Variants in ADAM32 observed in about 807,000 individuals in gnomAD.
The protein encoded by ADAM32 is disintegrin and metalloproteinase domain-containing protein 32.
ADAM32 carries 89 observed loss-of-function variants against 114.9 expected under a neutral mutation model. The ratio of observed to expected loss-of-function variants is 0.77; its 90% CI spans 0.65 to 0.92. ADAM32 has a LOEUF of 0.92. Among genes scored for constraint, ADAM32 ranks in the 40% least tolerant of loss-of-function variants. The pLI is 0.00. For missense variants in ADAM32, 870 were observed against 932.8 expected (o/e 0.93, Z 0.88); for synonymous variants, 285 against 307.5 (o/e 0.93, Z 0.77).
At chr8:39,205,954 C>G (rs1418301778) in intron 11 of ADAM32, among the ~76,000 whole-genome samples, 1 of 151,912 alleles carries the variant, frequency 6.6e-6, no homozygotes, top group Non-Finnish European at 1.5e-5. Flanking sequence ...TTGTTTCATT[C>G]ATATTTTTGT....
At chr8:39,270,845 C>A (rs778774340) in intron 19 of ADAM32, 31 bp from the exon 20 acceptor site, 23 of 1,585,848 alleles carry the variant, frequency 1.5e-5, no homozygotes, top group Admixed American at 8.6e-5. Context: ...TTTCTAAGTA[C>A]TAACATGAGA....
chr8:39,220,535 T>C (rs1808888466), intron 12 of ADAM32, among the ~76,000 whole-genome samples: 1 of 152,080 alleles, frequency 6.6e-6, no homozygotes, highest in African/African-American at 2.4e-5. Flanking sequence ...TTCTCCTTTT[T>C]TGATGTAGGC....
At chr8:39,256,881 C>G (rs1290369233) in intron 18 of ADAM32, among the ~76,000 whole-genome samples, 6 of 151,968 alleles carry the variant, frequency 3.9e-5, no homozygotes, top group Non-Finnish European at 8.8e-5. Flanking sequence ...CATGCAATTA[C>G]ACAATCCCAC....
chr8:39,124,602 A>G (rs7010584), intron 2 of ADAM32, among the ~76,000 whole-genome samples: 115,566 of 151,748 alleles, frequency 0.76, 44,527 homozygotes, highest in African/African-American at 0.88. Flanking sequence ...ATTTTTAGTA[A>G]AGACGGGGTT....
At position 39,282,613 on chromosome 8, in the gene ADAM32, A is replaced by G. The variant is rs1345155515; in HGVS notation, c.2319-973A>G. On this transcript the variant is annotated intron_variant, in intron 23 of 24. Coordinates refer to ENST00000379907, the MANE Select transcript of ADAM32 (RefSeq NM_145004.7). ...CTTAAACTTAGTAAGCTAAGCAGAC[A>G]TAGTTGCTGTCCTTTACTGTTAGAG... Among the ~76,000 whole-genome samples, 7 of 152,332 alleles carry G rather than the reference A, an allele frequency of 4.6e-5. No individual in the cohort carries two copies. The East Asian group carries it at 9.6e-4, about 21-fold the overall frequency.
At chr8:39,137,493 C>A (rs979195779) in intron 3 of ADAM32, among the ~76,000 whole-genome samples, 5 of 152,020 alleles carry the variant, frequency 3.3e-5, no homozygotes, top group African/African-American at 1.2e-4. Context: ...AAGCTGGGCG[C>A]GGTGGCTTTC....
intron 12 of ADAM32, chr8:39,220,796 T>G (rs1808908249): frequency 1.3e-5 from 2 of 152,054 alleles, no homozygotes; most frequent in South Asian, 4.1e-4. Flanking sequence ...TTTTAATTGT[T>G]TTTTGAATTT....
At chr8:39,180,055 C>T (rs565407630) in intron 10 of ADAM32, among the ~76,000 whole-genome samples, 2 of 152,188 alleles carry the variant, frequency 1.3e-5, no homozygotes, top group Admixed American at 6.5e-5. Flanking sequence ...ACTGTGGGAG[C>T]CCCTTTCTGG....
At position 39,145,531 on chromosome 8, in the gene ADAM32, G is replaced by A. The variant is rs566920198; in HGVS notation, c.201-1599G>A. On this transcript the variant is annotated intron_variant, in intron 3 of 24. Coordinates refer to ENST00000379907, the MANE Select transcript of ADAM32 (RefSeq NM_145004.7). ...AAACAGCCTAGAATTGAATGCCATG[G>A]AAACATTTAAGGGATGAAGGAAGGA... is the stretch of plus-strand genomic sequence containing the variant. Among the ~76,000 whole-genome samples, 9 of 152,194 alleles carry A rather than the reference G, an allele frequency of 5.9e-5. No individual in the cohort carries two copies. In the South Asian group the frequency reaches 1.9e-3, roughly 32 times the overall value.
At chr8:39,227,527 T>C (rs1809462071) in intron 14 of ADAM32, among the ~76,000 whole-genome samples, 1 of 152,112 alleles carries the variant, frequency 6.6e-6, no homozygotes, top group Admixed American at 6.5e-5. Context: ...TCAGTTTGCA[T>C]GGGAGCTGAC....
chr8:39,178,572 G>C (rs1261447263), intron 10 of ADAM32, among the ~76,000 whole-genome samples: 1 of 152,118 alleles, frequency 6.6e-6, no homozygotes, highest in Admixed American at 6.6e-5. Flanking sequence ...GAGATATTGG[G>C]GTCATTTGGA....
chr8:39,228,640 G>A (rs527820579), intron 14 of ADAM32, among the ~76,000 whole-genome samples: 1 of 152,138 alleles, frequency 6.6e-6, no homozygotes, highest in Non-Finnish European at 1.5e-5. Context: ...AAGGGAAAAA[G>A]AATAAGAAAA....
chr8:39,270,798 T>C (rs1812663361), intron 19 of ADAM32, 78 bp from the exon 20 acceptor site: 1 of 1,145,696 alleles, frequency 8.7e-7, no homozygotes, highest in Non-Finnish European at 1.3e-6. Flanking sequence ...ATACTGATTA[T>C]AAAATGGACT....
intron 13 of ADAM32, among the ~76,000 whole-genome samples, chr8:39,222,749 G>A (rs1212890828): frequency 6.6e-6 from 1 of 152,016 alleles, no homozygotes; most frequent in Non-Finnish European, 1.5e-5. Context: ...AATTTCCTAA[G>A]CTTAAAGTGA....
Position 39,211,336 on chromosome 8 carries a change from A to G in ADAM32, c.1233+12A>G. On this transcript the variant is annotated intron_variant, in intron 12 of 24. Transcript: ENST00000379907. ...GTGGTACTGAGGCTGTAAGTATGATAACTAGGAAAATTGATTAATAAATTT... is the reference window on the plus strand; with the variant it reads ...GTGGTACTGAGGCTGTAAGTATGATGACTAGGAAAATTGATTAATAAATTT... 8 of 1,461,328 alleles carry G rather than the reference A, an allele frequency of 5.5e-6. No individual in the cohort carries two copies. Among genetic ancestry groups the G allele is most frequent in the Non-Finnish European group, 6.3e-6 (7 of 1,107,426 alleles). 90.5% of individuals were successfully genotyped at this position (1,461,328 alleles called of 1,614,324 possible).
At chr8:39,210,272 C>G (rs1176774114) in intron 11 of ADAM32, among the ~76,000 whole-genome samples, 1 of 152,318 alleles carries the variant, frequency 6.6e-6, no homozygotes, top group East Asian at 1.9e-4. Flanking sequence ...CAAATTCACT[C>G]TCTATGTGCA....
intron 5 of ADAM32, among the ~76,000 whole-genome samples, chr8:39,150,461 C>T (rs1180490285): frequency 6.6e-6 from 1 of 152,126 alleles, no homozygotes; most frequent in Non-Finnish European, 1.5e-5. Flanking sequence ...AGGAAATCAT[C>T]TTCAGACTGA....
chr8:39,137,325 T>C (rs1223003325), intron 3 of ADAM32, among the ~76,000 whole-genome samples: 1 of 152,090 alleles, frequency 6.6e-6, no homozygotes, highest in Admixed American at 6.6e-5. Flanking sequence ...GAGAGGTGGA[T>C]TATGAGAAAC....
chr8:39,191,459 A>T (rs959161540), intron 11 of ADAM32, among the ~76,000 whole-genome samples: 3 of 152,194 alleles, frequency 2.0e-5, no homozygotes, highest in African/African-American at 7.2e-5. Context: ...TTGGTATGAG[A>T]CGGTATCTCA....
Sources: allele counts gnomAD v4.1 joint callset (sites outside exome capture counted in the v4.1 genomes callset), GRCh38; gene constraint gnomAD v4.1.1; transcripts MANE v1.5; gene names NCBI Gene and HGNC (gene_info 2026-07-23, HGNC 2026-07-21).